The following SYBU variants were observed in gnomAD, a reference collection of about 807,000 sequenced individuals.
SYBU encodes the protein GOLSYN A protein.
In SYBU, 21 loss-of-function variants were observed where a neutral mutation model predicts 35.9. That is an observed-to-expected ratio of 0.58 (90% CI 0.41 to 0.84). SYBU has a LOEUF of 0.84. Ranked by LOEUF, SYBU falls within the 40% of genes least tolerant of loss-of-function variation. The pLI is 0.00. For synonymous variants in SYBU, 319 were observed against 324.3 expected (o/e 0.98, Z 0.18); for missense variants, 768 against 848.2 (o/e 0.91, Z 1.17).
intron 1 of SYBU, among the ~76,000 whole-genome samples, chr8:109,661,129 G>A (rs1215839380): frequency 6.6e-6 from 1 of 152,202 alleles, no homozygotes; most frequent in Non-Finnish European, 1.5e-5. Context: ...AGAAGTGTGT[G>A]CACCATACAG....
chr8:109,634,032 A>C (rs1813930255), intron 2 of SYBU, among the ~76,000 whole-genome samples: 1 of 152,100 alleles, frequency 6.6e-6, no homozygotes, highest in African/African-American at 2.4e-5. Flanking sequence ...CTGCAACTGG[A>C]TATAATTACC....
chr8:109,672,055 C>T (rs1447653385), intron 1 of SYBU, among the ~76,000 whole-genome samples: 8 of 152,112 alleles, frequency 5.3e-5, no homozygotes, highest in Non-Finnish European at 1.0e-4. Flanking sequence ...GCATGTGCCA[C>T]CATGCCCAGC....
chr8:109,630,272 G>A (rs1191507473), intron 2 of SYBU, among the ~76,000 whole-genome samples: 2 of 119,216 alleles, frequency 1.7e-5, no homozygotes, highest in African/African-American at 3.3e-5. Flanking sequence ...GGGGACTGTC[G>A]TGGGGTGGGG....
In SYBU at chr8:109,584,157, C is replaced by T. The variant is rs1823359514; in HGVS notation, c.530+1903G>A. ...ACTGAGGATAATGGATAGAACACTGCCATTTTCAATTTTCCATCTATTAAT... is the reference window on the plus strand; with the variant it reads ...ACTGAGGATAATGGATAGAACACTGTCATTTTCAATTTTCCATCTATTAAT... On this transcript the variant is annotated intron_variant, in intron 4 of 6. Transcript: ENST00000276646. This position sits in a 1 kb window ranked among gnomAD's most constrained non-coding sequence, Gnocchi z 4.0. Among the ~76,000 whole-genome samples the T allele has an allele frequency of 6.6e-6, 1 of 152,182 alleles. No homozygotes were observed. The highest frequency in any genetic ancestry group is 2.1e-4 in the South Asian group (1 of 4,830).
At chr8:109,607,951 C>T in intron 3 of SYBU, 1 of 1,535,226 alleles carries the variant, frequency 6.5e-7, no homozygotes, top group Admixed American at 2.0e-5. Context: ...CAAACATTGC[C>T]TCTGCAAACA....
At chr8:109,667,726 CA>C (rs1422989548) in intron 1 of SYBU, among the ~76,000 whole-genome samples, 1 of 152,184 alleles carries the variant, frequency 6.6e-6, no homozygotes, top group Non-Finnish European at 1.5e-5. Context: ...CTCCTGGTCT[CA>C]AGCAATCCTC....
intron 1 of SYBU, chr8:109,680,356 G>T (rs1817356805): frequency 8.4e-6 from 1 of 119,378 alleles, no homozygotes; most frequent in Non-Finnish European, 1.7e-5. Context: ...GGATCAGAGA[G>T]ACTCAGAGTG....
chr8:109,651,448 C>CTTTTTTTTTTTTTTTTTTTTTTTTTT (rs535652540), intron 1 of SYBU, among the ~76,000 whole-genome samples: 1 of 64,466 alleles, frequency 1.6e-5, no homozygotes, highest in Non-Finnish European at 3.1e-5. Flanking sequence ...GAAATTGAGA[C>CTTTTTTTTTTTTTTTTTTTTTTTTTT]TTTTTTTTTT....
In SYBU at chr8:109,619,030, C is replaced by T; in HGVS notation, c.239G>A (p.Gly80Asp). 2 of 1,613,440 alleles carry T rather than the reference C, an allele frequency of 1.2e-6. No homozygotes were observed. Among genetic ancestry groups the T allele is most frequent in the African/African-American group, 2.7e-5 (2 of 75,000 alleles). Residue 80 changes from glycine (G) to aspartate (D), a missense_variant, in exon 3 of 7, where the codon GGC (glycine) becomes GAC (aspartate). Gly to Asp is a moderately conservative substitution (Grantham distance 94, BLOSUM62 -1). Transcript: ENST00000276646. ...AGACACTGACTGGCTGCTAGGACAG[C>T]CTGTGTCATCTAGAAGACAGGAATC... The part of the protein sequence containing the change: ...SSNSFCSDDT[G>D]CPSSQSVSPV...
intron 1 of SYBU, among the ~76,000 whole-genome samples, chr8:109,673,245 C>T (rs1218340077): frequency 6.6e-6 from 1 of 152,170 alleles, no homozygotes; most frequent in Non-Finnish European, 1.5e-5. Context: ...TGGGAGACAC[C>T]TCCCAGCAAG....
At chr8:109,681,764 T>C (rs1817401500), upstream of SYBU, among the ~76,000 whole-genome samples, 1 of 152,170 alleles carries the variant, frequency 6.6e-6, no homozygotes, top group South Asian at 2.1e-4. Flanking sequence ...ATGATATGGT[T>C]TGGGTGTGTC....
At chr8:109,617,796 C>A (rs1397278144) in intron 3 of SYBU, among the ~76,000 whole-genome samples, 1 of 152,144 alleles carries the variant, frequency 6.6e-6, no homozygotes, top group African/African-American at 2.4e-5. Flanking sequence ...TTCTTTTTCA[C>A]AGTTTAAGTT....
chr8:109,645,236 C>T (rs1478553576), upstream of SYBU: 1 of 456,726 alleles, frequency 2.2e-6, no homozygotes, highest in Admixed American at 2.3e-5. Flanking sequence ...TTAAGTCAGC[C>T]TACAGCTCCC....
chr8:109,624,853 C>T (rs371860654), intron 2 of SYBU, among the ~76,000 whole-genome samples: 24 of 152,106 alleles, frequency 1.6e-4, no homozygotes, highest in Admixed American at 3.9e-4. Flanking sequence ...ACAGCCATGC[C>T]CAATCCTTTA....
At chr8:109,688,655 C>A (rs1441760965) in intron 1 of SYBU, among the ~76,000 whole-genome samples, 1 of 150,478 alleles carries the variant, frequency 6.6e-6, no homozygotes, top group Non-Finnish European at 1.5e-5. Flanking sequence ...TTTTTCTATC[C>A]TATCCCGTCT....
At position 109,626,772 on chromosome 8, in the gene SYBU, T is replaced by C. The variant is rs11992837; in HGVS notation, c.230-7733A>G. ...AAAAACTACAAAAATTAGCTGGGCATGATAGTGCATACCTGTAGTCCCAGC... is the reference window on the plus strand; with the variant it reads ...AAAAACTACAAAAATTAGCTGGGCACGATAGTGCATACCTGTAGTCCCAGC... On this transcript the variant is annotated intron_variant, in intron 2 of 6. Transcript: ENST00000276646. 3.8e-3 allele frequency among the ~76,000 whole-genome samples: 572 copies of C among 152,238 alleles called. 3 individuals carry two copies. The highest frequency in any genetic ancestry group is 0.013 in the African/African-American group (547 of 41,552).
intron 1 of SYBU, among the ~76,000 whole-genome samples, chr8:109,668,859 T>C (rs1816862908): frequency 6.6e-6 from 1 of 152,202 alleles, no homozygotes; most frequent in African/African-American, 2.4e-5. Flanking sequence ...ATTTGTATGA[T>C]GAATATTTTA....
At chr8:109,660,296 G>A (rs1816513236) in intron 1 of SYBU, among the ~76,000 whole-genome samples, 1 of 152,108 alleles carries the variant, frequency 6.6e-6, no homozygotes, top group Admixed American at 6.5e-5. Context: ...ATGTTGACAA[G>A]TTACAAGTTA....
intron 1 of SYBU, among the ~76,000 whole-genome samples, chr8:109,653,758 A>G (rs760254831): frequency 1.3e-5 from 2 of 152,162 alleles, no homozygotes; most frequent in Non-Finnish European, 2.9e-5. Context: ...ACAGACAAAA[A>G]TAGGAGGTAT....
Sources: gnomAD v4.1 joint callset for allele counts (sites outside exome capture counted in the v4.1 genomes callset) on GRCh38, gnomAD v4.1.1 for gene constraint, Gnocchi (gnomAD v3.1) non-coding constraint, MANE v1.5 for transcripts, NCBI Gene and HGNC (gene_info 2026-07-23, HGNC 2026-07-21) for gene names.